The following ANO10 variants were observed in gnomAD, a reference collection of about 807,000 sequenced individuals.
The protein encoded by ANO10 is anoctamin-10.
In ANO10, 77 loss-of-function variants were observed where a neutral mutation model predicts 74.7. The observed-to-expected ratio is 1.03, with a 90% confidence interval of 0.86 to 1.25. The LOEUF (loss-of-function observed/expected upper bound fraction) is 1.25. Among genes scored for constraint, ANO10 ranks in the 50% most tolerant of loss-of-function variants. The pLI, the probability that ANO10 is intolerant of heterozygous loss-of-function variation, is 0.00. For missense variants in ANO10, 721 were observed against 778.1 expected, an observed-to-expected ratio of 0.93 and a Z score of 0.87; for synonymous variants, 279 against 284.9, an observed-to-expected ratio of 0.98 and a Z score of 0.21.
chr3:43,604,031 T>G (rs2082448525), intron 2 of ANO10, among the ~76,000 whole-genome samples: 1 of 152,110 alleles, frequency 6.6e-6, no homozygotes, highest in African/African-American at 2.4e-5. Context: ...AGAATAAACC[T>G]CAAGTCTTCT....
chr3:43,559,874 C>T (rs144952362), intron 9 of ANO10, among the ~76,000 whole-genome samples: 109 of 152,318 alleles, frequency 7.2e-4, no homozygotes, highest in African/African-American at 2.6e-3. Context: ...CCCACATGCT[C>T]CTTCTCTTTA....
At chr3:43,609,408 C>T (rs950325286) in intron 1 of ANO10, among the ~76,000 whole-genome samples, 1 of 152,106 alleles carries the variant, frequency 6.6e-6, no homozygotes, top group Non-Finnish European at 1.5e-5. Context: ...TAAAACAGTG[C>T]CCAAATATTA....
intron 4 of ANO10, among the ~76,000 whole-genome samples, chr3:43,595,046 T>C (rs891269889): frequency 6.6e-6 from 1 of 152,030 alleles, no homozygotes; most frequent in Non-Finnish European, 1.5e-5. Context: ...ACATACACCC[T>C]CCCAAGACTA....
At chr3:43,642,872 C>T (rs1575576000) in intron 1 of ANO10, among the ~76,000 whole-genome samples, 1 of 151,392 alleles carries the variant, frequency 6.6e-6, no homozygotes, top group African/African-American at 2.4e-5. Flanking sequence ...TTTTATGATG[C>T]CTGGTCGCCA....
At chr3:43,530,988 G>A (rs2078443556) in intron 11 of ANO10, among the ~76,000 whole-genome samples, 1 of 151,992 alleles carries the variant, frequency 6.6e-6, no homozygotes, top group Non-Finnish European at 1.5e-5. Flanking sequence ...TCCTATGTTA[G>A]GTCATAGAAA....
intron 12 of ANO10, among the ~76,000 whole-genome samples, chr3:43,404,953 A>G (rs1403653394): frequency 6.6e-6 from 1 of 152,058 alleles, no homozygotes; most frequent in Non-Finnish European, 1.5e-5. Context: ...GTGTCAAGCT[A>G]GAAACTCTTT....
intron 12 of ANO10, among the ~76,000 whole-genome samples, chr3:43,385,610 C>A (rs1043704014): frequency 2.0e-5 from 3 of 152,038 alleles, no homozygotes; most frequent in Non-Finnish European, 2.9e-5. Flanking sequence ...TCCGCAGCGA[C>A]CTGGATGGAA....
chr3:43,417,730 T>C (rs1000013198), intron 12 of ANO10, among the ~76,000 whole-genome samples: 3 of 152,162 alleles, frequency 2.0e-5, no homozygotes, highest in East Asian at 3.9e-4. Context: ...TCTATTCTTA[T>C]AGGCTGTGCG....
intron 1 of ANO10, among the ~76,000 whole-genome samples, chr3:43,649,812 G>T (rs537922770): frequency 7.2e-4 from 109 of 152,316 alleles, no homozygotes; most frequent in African/African-American, 2.4e-3. Flanking sequence ...TGCGACAGGG[G>T]TGTGGCTTGT....
intron 12 of ANO10, among the ~76,000 whole-genome samples, chr3:43,428,567 G>A (rs1287463143): frequency 1.3e-5 from 2 of 150,886 alleles, no homozygotes; most frequent in Non-Finnish European, 3.0e-5. Context: ...CTATTAGAAA[G>A]CATTCAATAA....
At chr3:43,394,921 G>A (rs2092349382) in intron 12 of ANO10, among the ~76,000 whole-genome samples, 1 of 152,004 alleles carries the variant, frequency 6.6e-6, no homozygotes, top group Admixed American at 6.6e-5. Context: ...CATATCTTCT[G>A]GTATTCAAGA....
intron 11 of ANO10, among the ~76,000 whole-genome samples, chr3:43,543,691 T>A (rs1489396723): frequency 6.6e-6 from 1 of 152,220 alleles, no homozygotes; most frequent in African/African-American, 2.4e-5. Context: ...CCGGCCTCAA[T>A]TCTGCTTCTA....
chr3:43,542,148 A>T (rs780254525), intron 11 of ANO10, among the ~76,000 whole-genome samples: 4 of 152,146 alleles, frequency 2.6e-5, no homozygotes, highest in Non-Finnish European at 5.9e-5. Context: ...AAATAAGGGA[A>T]TTGTATGGTG....
chr3:43,655,369 G>T (rs1559387025), intron 1 of ANO10, among the ~76,000 whole-genome samples: 1 of 152,198 alleles, frequency 6.6e-6, no homozygotes, highest in Admixed American at 6.5e-5. Flanking sequence ...CAGGAGTGAA[G>T]CTGCAGACCT....
At chr3:43,625,062 G>A (rs73087066), upstream of ANO10, among the ~76,000 whole-genome samples, 563 of 152,290 alleles carry the variant, frequency 3.7e-3, 3 homozygotes, top group Non-Finnish European at 5.2e-3. Flanking sequence ...GCTTCCAAGA[G>A]TCCCTTTTCC....
chr3:43,387,700 G>A (rs1395551560), intron 12 of ANO10, among the ~76,000 whole-genome samples: 8 of 152,306 alleles, frequency 5.3e-5, no homozygotes, highest in East Asian at 3.9e-4. Context: ...AGGTGTCAAC[G>A]GCTCACTTCC....
At chr3:43,380,353 A>G (rs2091924872) in intron 12 of ANO10, among the ~76,000 whole-genome samples, 1 of 152,232 alleles carries the variant, frequency 6.6e-6, no homozygotes, top group South Asian at 2.1e-4. Context: ...ATACATCACA[A>G]AAAGATTATC....
In ANO10 at chr3:43,678,843, T is replaced by A. The variant is rs549489393; in HGVS notation, c.-12+12674A>T. Among the ~76,000 whole-genome samples, 4 of 152,376 alleles carry A rather than the reference T, an allele frequency of 2.6e-5. No individual in the cohort carries two copies. The East Asian group carries it at 7.7e-4, about 29-fold the overall frequency. ...AATACTTTTCTTTATGGAAAATATT[T>A]TAAAAATTACACATTCAATTAAAAA... On this transcript the variant is annotated intron_variant, in intron 1 of 3. Coordinates refer to the ANO10 transcript ENST00000413397.
At chr3:43,527,152 A>C (rs910510435) in intron 11 of ANO10, among the ~76,000 whole-genome samples, 1 of 151,994 alleles carries the variant, frequency 6.6e-6, no homozygotes, top group Admixed American at 6.6e-5. Flanking sequence ...GATTTCTGGG[A>C]AAGATTTTCA....
Sources: allele counts gnomAD v4.1 joint callset (sites outside exome capture counted in the v4.1 genomes callset), GRCh38; gene constraint gnomAD v4.1.1; transcripts MANE v1.5; gene names NCBI Gene and HGNC (gene_info 2026-07-23, HGNC 2026-07-21).